Variants in GRID2 observed in about 807,000 individuals in gnomAD.
The protein encoded by GRID2 is glutamate ionotropic receptor delta type subunit 2.
Under a neutral mutation model 114.8 loss-of-function variants are expected in GRID2, and 33 were observed. The observed-to-expected ratio is 0.29, with a 90% CI of 0.22 to 0.38. The LOEUF (loss-of-function observed/expected upper bound fraction) is 0.38. GRID2 is among the 10% of genes least tolerant of loss of function. The pLI is 1.00. For synonymous variants in GRID2, 505 were observed against 449.9 expected, an observed-to-expected ratio of 1.12 and a Z score of -1.55; for missense variants, 1,184 against 1,257.7, an observed-to-expected ratio of 0.94 and a Z score of 0.89.
intron 2 of GRID2, among the ~76,000 whole-genome samples, chr4:92,764,256 C>T (rs554819873): frequency 6.6e-6 from 1 of 152,112 alleles, no homozygotes; most frequent in East Asian, 1.9e-4. Context: ...CATTTGTTTG[C>T]CTGGTCAAAA....
At chr4:93,467,673 C>T (rs992035644) in intron 11 of GRID2, among the ~76,000 whole-genome samples, 2 of 152,192 alleles carry the variant, frequency 1.3e-5, no homozygotes, top group Non-Finnish European at 2.9e-5. Flanking sequence ...TGCCTTACAT[C>T]ACCACCCAAG....
At chr4:93,606,810 T>C (rs1398920052) in intron 13 of GRID2, among the ~76,000 whole-genome samples, 1 of 152,184 alleles carries the variant, frequency 6.6e-6, no homozygotes, top group Non-Finnish European at 1.5e-5. Context: ...CTAGGACTTA[T>C]ACACTCATAA....
At chr4:93,223,089 G>A (rs999889475) in intron 6 of GRID2, among the ~76,000 whole-genome samples, 1 of 152,106 alleles carries the variant, frequency 6.6e-6, no homozygotes, top group Non-Finnish European at 1.5e-5. Flanking sequence ...TATCCTTCAT[G>A]TAACTTCTAT....
At chr4:93,002,206 T>G (rs1301692734) in intron 2 of GRID2, among the ~76,000 whole-genome samples, 1 of 151,794 alleles carries the variant, frequency 6.6e-6, no homozygotes, top group Non-Finnish European at 1.5e-5. Context: ...TTATCCTTTT[T>G]TTCTGCTATA....
intron 14 of GRID2, among the ~76,000 whole-genome samples, chr4:93,663,831 G>C (rs1458303777): frequency 6.6e-6 from 1 of 152,042 alleles, no homozygotes; most frequent in Non-Finnish European, 1.5e-5. Flanking sequence ...AGTTACCCAG[G>C]GTATCTCAGT....
In GRID2 at chr4:92,666,650, G is replaced by GTTTTTTTTTTTTTTTTTTT. The variant is rs70942922; in HGVS notation, c.244+76366_244+76384dup. Among the ~76,000 whole-genome samples the GTTTTTTTTTTTTTTTTTTT allele has an allele frequency of 4.7e-4, 32 of 68,588 alleles. 1 individual carries two copies. Among genetic ancestry groups the GTTTTTTTTTTTTTTTTTTT allele is most frequent in the African/African-American group, 1.3e-3 (25 of 19,070 alleles). 45.0% of individuals were successfully genotyped at this position (68,588 alleles called of 152,430 possible). On this transcript the variant is annotated intron_variant, in intron 2 of 15. Coordinates refer to ENST00000282020, the MANE Select transcript of GRID2 (RefSeq NM_001510.4). ...AGGCTGATGTGTAAACTTAAGGGTT[G>GTTTTTTTTTTTTTTTTTTT]TTTTTTTTTTTTTTTTTTTTCAGAT... is the stretch of plus-strand genomic sequence containing the variant.
chr4:93,386,936 G>GGCT (rs1256794480), intron 8 of GRID2, among the ~76,000 whole-genome samples: 1 of 152,138 alleles, frequency 6.6e-6, no homozygotes, highest in Non-Finnish European at 1.5e-5. Flanking sequence ...TATAAAACAT[G>GGCT]GCTGGCCAGG....
intron 1 of GRID2, among the ~76,000 whole-genome samples, chr4:92,530,880 C>G (rs1029558012): frequency 6.6e-6 from 1 of 151,874 alleles, no homozygotes; most frequent in Non-Finnish European, 1.5e-5. Context: ...GCACTCCAAG[C>G]TGAGTGACAG....
intron 8 of GRID2, among the ~76,000 whole-genome samples, chr4:93,256,809 G>C (rs1204124188): frequency 1.3e-5 from 2 of 151,810 alleles, no homozygotes; most frequent in Admixed American, 6.6e-5. Context: ...TTTGAATTGA[G>C]TTATTCTGTA....
intron 8 of GRID2, among the ~76,000 whole-genome samples, chr4:93,373,132 C>A (rs1230023481): frequency 6.6e-6 from 1 of 152,108 alleles, no homozygotes; most frequent in Non-Finnish European, 1.5e-5. Context: ...TATTTCCTAT[C>A]ATTTCCCCAC....
At chr4:92,894,884 C>T (rs981636624) in intron 2 of GRID2, among the ~76,000 whole-genome samples, 1 of 151,978 alleles carries the variant, frequency 6.6e-6, no homozygotes, top group Non-Finnish European at 1.5e-5. Flanking sequence ...ACTCTACAGT[C>T]TGCTTCTTGG....
intron 8 of GRID2, among the ~76,000 whole-genome samples, chr4:93,332,299 TGAGA>T (rs10596544): frequency 0.015 from 1,798 of 120,906 alleles, 20 homozygotes; most frequent in East Asian, 0.034. Context: ...TGTGTGTGTG[TGAGA>T]GAGAGAGAGA....
In GRID2 at chr4:93,667,470, T is replaced by G. The variant is rs147482650; in HGVS notation, c.2360+41035T>G. Among the ~76,000 whole-genome samples the G allele has an allele frequency of 3.9e-5, 6 of 152,034 alleles. No individual in the cohort carries two copies. The East Asian group carries it at 5.8e-4, about 15-fold the overall frequency. On this transcript the variant is annotated intron_variant, in intron 14 of 15. Transcript: ENST00000282020. ...ACCACCTATGGAGAAGACTTATCTTTACTGCCTTTGAAAAAGCATAATTCT... is the reference window on the plus strand; with the variant it reads ...ACCACCTATGGAGAAGACTTATCTTGACTGCCTTTGAAAAAGCATAATTCT...
At chr4:93,643,791 G>T (rs1721834921) in intron 14 of GRID2, among the ~76,000 whole-genome samples, 1 of 51,638 alleles carries the variant, frequency 1.9e-5, no homozygotes. Flanking sequence ...GCCCCCAGAG[G>T]TGGAGCCTAC....
At chr4:93,741,512 T>C (rs1017008313) in intron 14 of GRID2, among the ~76,000 whole-genome samples, 1 of 152,122 alleles carries the variant, frequency 6.6e-6, no homozygotes, top group Non-Finnish European at 1.5e-5. Flanking sequence ...ATTTATACAG[T>C]GGAAACTTAG....
At chr4:92,384,517 T>TATGTTA (rs11270119) in intron 1 of GRID2, among the ~76,000 whole-genome samples, 1 of 36,216 alleles carries the variant, frequency 2.8e-5, no homozygotes, top group Non-Finnish European at 4.6e-5. Flanking sequence ...ATATATAATA[T>TATGTTA]TATATAATAT....
intron 1 of GRID2, among the ~76,000 whole-genome samples, chr4:92,371,706 A>C (rs1729124980): frequency 6.6e-6 from 1 of 152,180 alleles, no homozygotes; most frequent in African/African-American, 2.4e-5. Context: ...TATGCCTGCT[A>C]TTACAACATT....
chr4:92,803,992 C>A (rs1740293777), intron 2 of GRID2, among the ~76,000 whole-genome samples: 1 of 151,818 alleles, frequency 6.6e-6, no homozygotes, highest in Non-Finnish European at 1.5e-5. Flanking sequence ...AGCATCACTT[C>A]AGTCTGGGCT....
At chr4:92,309,076 T>A (rs1330195339) in intron 1 of GRID2, among the ~76,000 whole-genome samples, 2 of 151,998 alleles carry the variant, frequency 1.3e-5, no homozygotes, top group African/African-American at 4.8e-5. Context: ...CTACGCCAGG[T>A]GAAATGTACA....
Sources: gnomAD v4.1 joint callset for allele counts (sites outside exome capture counted in the v4.1 genomes callset) on GRCh38, gnomAD v4.1.1 for gene constraint, MANE v1.5 for transcripts, NCBI Gene and HGNC (gene_info 2026-07-23, HGNC 2026-07-21) for gene names.